ANO5: variants seen among roughly 807,000 people sequenced by gnomAD.
The protein encoded by ANO5 is anoctamin-5.
Under a neutral mutation model 121.0 loss-of-function variants are expected in ANO5, and 109 were observed. The observed-to-expected ratio is 0.90, with a 90% confidence interval of 0.77 to 1.06. The LOEUF (loss-of-function observed/expected upper bound fraction) is 1.06. ANO5 is among the 50% of genes least tolerant of loss of function. The pLI is 0.00. For missense variants in ANO5, 1,064 were observed against 1,078.5 expected (o/e 0.99, Z 0.19); for synonymous variants, 406 against 359.9 (o/e 1.13, Z -1.45).
chr11:22,276,048 ATAAC>A lies in ANO5; in HGVS notation c.2415-43_2415-40del, dbSNP rs1226828416. The A allele has an allele frequency of 4.0e-6, 5 of 1,254,922 alleles. No individual in the cohort carries two copies. In the African/African-American group the frequency reaches 8.2e-5, roughly 20 times the overall value. 77.7% of individuals were successfully genotyped at this position (1,254,922 alleles called of 1,614,324 possible). A position where few individuals can be genotyped will look rare whatever the true frequency, so the allele number is the denominator to read the frequency against. On this transcript the variant is annotated intron_variant, in intron 20 of 21. Transcript: ENST00000324559. Reference sequence around the variant, plus strand: ...ATGTGAGGTCTCTCTAGTTGAAGCTATAACTATTATTATTTTTTTTTTTTGCATT... The same window carrying A: ...ATGTGAGGTCTCTCTAGTTGAAGCTATATTATTATTTTTTTTTTTTGCATT...
intron 8 of ANO5, among the ~76,000 whole-genome samples, chr11:22,237,009 T>C (rs1348923684): frequency 1.3e-5 from 2 of 152,186 alleles, no homozygotes; most frequent in Non-Finnish European, 2.9e-5. Context: ...TGGGTGTTTT[T>C]GATGGAAACC....
At chr11:22,263,730 A>T (rs929270688) in intron 17 of ANO5, among the ~76,000 whole-genome samples, 5 of 152,170 alleles carry the variant, frequency 3.3e-5, no homozygotes, top group African/African-American at 4.8e-5. Context: ...AGGGTTTGGC[A>T]TGCAATACAA....
At chr11:22,202,064 A>G (rs1168400048) in intron 1 of ANO5, among the ~76,000 whole-genome samples, 1 of 152,000 alleles carries the variant, frequency 6.6e-6, no homozygotes, top group East Asian at 1.9e-4. Flanking sequence ...GGTTTTAGTT[A>G]ATTTTAAAGA....
Position 22,225,419 on chromosome 11 carries a change from T to A in ANO5, c.295-565T>A, listed in dbSNP as rs76491697. ...CTATAATGGGCTGTGATCACAACAC[T>A]GTACTCCAGCCCGGGTGACAGAGTG... On this transcript the variant is annotated intron_variant, in intron 5 of 21. Transcript: ENST00000324559. Among the ~76,000 whole-genome samples the A allele has an allele frequency of 0.013, 2,043 of 152,178 alleles. 148 individuals are homozygous for A. In the East Asian group the frequency reaches 0.21, roughly 16 times the overall value.
intron 15 of ANO5, 131 bp from the exon 16 acceptor site, chr11:22,261,998 C>A: frequency 1.3e-6 from 1 of 793,622 alleles, no homozygotes; most frequent in Non-Finnish European, 2.1e-6. Flanking sequence ...TATTGGCCTA[C>A]TATCGCCAGA....
rs141269137 is a variant in ANO5, at chr11:22,252,579, T to A, written c.1180+1568T>A. ...ATGATTCACATGTGCTTTTGTATAA[T>A]AAGCACAGTAATCCTTTGTCTGCCA... On this transcript the variant is annotated intron_variant, in intron 12 of 21. Coordinates refer to ENST00000324559, the MANE Select transcript of ANO5 (RefSeq NM_213599.3). Among the ~76,000 whole-genome samples the A allele has an allele frequency of 1.6e-3, 248 of 152,338 alleles. 2 individuals are homozygous for A. Among genetic ancestry groups the A allele is most frequent in the African/African-American group, 5.7e-3 (235 of 41,590 alleles).
intron 21 of ANO5, among the ~76,000 whole-genome samples, chr11:22,276,625 A>G (rs531860467): frequency 8.6e-5 from 13 of 151,896 alleles, no homozygotes; most frequent in African/African-American, 3.1e-4. Context: ...ACTAACTAAC[A>G]TTAGCGCTGA....
At chr11:22,256,678 ATTG>A (rs1854008803) in intron 13 of ANO5, among the ~76,000 whole-genome samples, 1 of 152,192 alleles carries the variant, frequency 6.6e-6, no homozygotes, top group Non-Finnish European at 1.5e-5. Flanking sequence ...TTCACTGTGA[ATTG>A]TTGGCTTCAC....
Position 22,195,463 on chromosome 11 carries a change from C to T in ANO5, c.40+1931C>T, listed in dbSNP as rs183034021. Among the ~76,000 whole-genome samples the T allele has an allele frequency of 2.8e-3, 423 of 151,852 alleles. 3 individuals are homozygous for T. The highest frequency in any genetic ancestry group is 9.6e-3 in the African/African-American group (397 of 41,478). On this transcript the variant is annotated intron_variant, in intron 1 of 21. Coordinates refer to ENST00000324559, the MANE Select transcript of ANO5 (RefSeq NM_213599.3). Reference sequence around the variant, plus strand: ...TTATTTTTTGAGACAGGGTCTGGCTCTATTGCCCAGGCTGTAATGCAGGGG... The same window carrying T: ...TTATTTTTTGAGACAGGGTCTGGCTTTATTGCCCAGGCTGTAATGCAGGGG...
Position 22,269,397 on chromosome 11 carries a change from G to A in ANO5, c.1899-915G>A, listed in dbSNP as rs1013237523. Among the ~76,000 whole-genome samples, 6 of 139,728 alleles carry A rather than the reference G, an allele frequency of 4.3e-5. No homozygotes were observed. The East Asian group carries it at 1.3e-3, about 29-fold the overall frequency. The allele number at this position is 139,728 out of a possible 152,430, so 91.7% of individuals were successfully genotyped here. A position where few individuals can be genotyped will look rare whatever the true frequency, so the allele number is the denominator to read the frequency against. On this transcript the variant is annotated intron_variant, in intron 17 of 21. Transcript: ENST00000324559. ...AAGAAGGAAAGAAGAAAGGAAGGAAGGAAGGAGAAAAAAAGAGAAGGAAAA... is the reference window on the plus strand; with the variant it reads ...AAGAAGGAAAGAAGAAAGGAAGGAAAGAAGGAGAAAAAAAGAGAAGGAAAA...
At chr11:22,237,814 A>G (rs1000735047) in intron 8 of ANO5, among the ~76,000 whole-genome samples, 6 of 152,082 alleles carry the variant, frequency 3.9e-5, no homozygotes, top group Non-Finnish European at 8.8e-5. Context: ...GAACACATAT[A>G]TAGTAAACAT....
chr11:22,269,424 A>T (rs377283149), intron 17 of ANO5, among the ~76,000 whole-genome samples: 2 of 148,546 alleles, frequency 1.3e-5, no homozygotes, highest in Non-Finnish European at 3.0e-5. Flanking sequence ...GAAGGAAAAG[A>T]GAAGGGAAGG....
chr11:22,210,257 A>G (rs78521679), intron 2 of ANO5, among the ~76,000 whole-genome samples: 1,667 of 152,016 alleles, frequency 0.011, 42 homozygotes, highest in African/African-American at 0.038. Context: ...GTGGTATGAA[A>G]ATTGTACATT....
chr11:22,265,928 G>T (rs1854345211), intron 17 of ANO5, among the ~76,000 whole-genome samples: 1 of 152,154 alleles, frequency 6.6e-6, no homozygotes, highest in African/African-American at 2.4e-5. Context: ...TGTAGAAACA[G>T]ATATTACAGA....
intron 3 of ANO5, among the ~76,000 whole-genome samples, chr11:22,215,748 T>C (rs1852421194): frequency 2.0e-5 from 3 of 151,980 alleles, no homozygotes; most frequent in Admixed American, 2.0e-4. Flanking sequence ...GTGTGTAGTT[T>C]GATGAGTTTT....
At chr11:22,257,152 T>C (rs1472351935) in intron 13 of ANO5, among the ~76,000 whole-genome samples, 2 of 152,136 alleles carry the variant, frequency 1.3e-5, no homozygotes, top group African/African-American at 4.8e-5. Flanking sequence ...TACTTCTTGA[T>C]GCACCTAAGA....
chr11:22,236,322 G>T (rs1239094009), intron 8 of ANO5, 46 bp downstream of exon 8: 3 of 1,448,842 alleles, frequency 2.1e-6, no homozygotes, highest in Non-Finnish European at 2.9e-6. Flanking sequence ...TTTTCCTCCT[G>T]CCATGTTCAT....
chr11:22,275,151 AAGAG>A (rs1312238215), intron 20 of ANO5, among the ~76,000 whole-genome samples: 2 of 151,954 alleles, frequency 1.3e-5, no homozygotes, highest in African/African-American at 2.4e-5. Flanking sequence ...GTCCTCAGAA[AAGAG>A]AGTGAGACAG....
intron 5 of ANO5, among the ~76,000 whole-genome samples, chr11:22,223,064 T>G (rs1201316854): frequency 6.6e-6 from 1 of 151,996 alleles, no homozygotes; most frequent in Admixed American, 6.6e-5. Context: ...CTATCTTACT[T>G]TCTGTTACCA....
Sources: allele counts gnomAD v4.1 joint callset (sites outside exome capture counted in the v4.1 genomes callset), GRCh38; gene constraint gnomAD v4.1.1; transcripts MANE v1.5; gene names NCBI Gene and HGNC (gene_info 2026-07-23, HGNC 2026-07-21).